PTBP3: variants seen among roughly 807,000 people sequenced by gnomAD.
The protein encoded by PTBP3 is polypyrimidine tract-binding protein 3.
In PTBP3, 20 loss-of-function variants were observed where a neutral mutation model predicts 58.7. The observed-to-expected ratio is 0.34, with a 90% confidence interval of 0.24 to 0.50. The LOEUF (loss-of-function observed/expected upper bound fraction) is 0.50, where lower values mean the gene tolerates loss of function less well. PTBP3 is among the 20% of genes least tolerant of loss of function. The pLI, the probability that PTBP3 is intolerant of heterozygous loss-of-function variation, is 0.98. For synonymous variants in PTBP3, 185 were observed against 219.8 expected, an observed-to-expected ratio of 0.84 and a Z score of 1.40; for missense variants, 509 against 637.2, an observed-to-expected ratio of 0.80 and a Z score of 2.17.
At chr9:112,365,481 G>A in the PTBP3 span, among the ~76,000 whole-genome samples, 10 of 152,160 alleles carry the variant, frequency 6.6e-5, no homozygotes, top group African/African-American at 1.2e-4. Context: ...GACTTGCTCC[G>A]TCTTGCCTTC....
upstream of PTBP3, among the ~76,000 whole-genome samples, chr9:112,335,999 G>T (rs1050227049): frequency 3.3e-5 from 5 of 151,832 alleles, no homozygotes; most frequent in Non-Finnish European, 7.4e-5. Flanking sequence ...TCAGCCTCTG[G>T]AGTAGCTGGG....
chr9:112,253,313 G>A (rs1458142897), intron 5 of PTBP3, among the ~76,000 whole-genome samples: 1 of 152,058 alleles, frequency 6.6e-6, no homozygotes, highest in Admixed American at 6.5e-5. Flanking sequence ...GAAGTCTTAC[G>A]AATAAAAATA....
At chr9:112,362,460 T>G in the PTBP3 span, among the ~76,000 whole-genome samples, 1 of 152,216 alleles carries the variant, frequency 6.6e-6, no homozygotes, top group South Asian at 2.1e-4. Context: ...CTAGGTTGTC[T>G]TTTCACTTTC....
chr9:112,325,439 C>T (rs2132464915), intron 1 of PTBP3, among the ~76,000 whole-genome samples: 1 of 152,196 alleles, frequency 6.6e-6, no homozygotes, highest in Non-Finnish European at 1.5e-5. Flanking sequence ...CCTCTCTTTG[C>T]TGAGAGCTCC....
At chr9:112,295,390 T>C (rs887713333) in intron 2 of PTBP3, among the ~76,000 whole-genome samples, 43 of 146,108 alleles carry the variant, frequency 2.9e-4, no homozygotes, top group Admixed American at 7.0e-4. Context: ...TCTAAGAAGC[T>C]GGAACACCCA....
chr9:112,339,260 C>CAG, the PTBP3 span, among the ~76,000 whole-genome samples: 3 of 140,874 alleles, frequency 2.1e-5, no homozygotes, highest in Non-Finnish European at 3.0e-5. Flanking sequence ...CACTGCACTC[C>CAG]AGTCTGCCTG....
intron 7 of PTBP3, among the ~76,000 whole-genome samples, chr9:112,237,474 TCA>T (rs1199721075): frequency 6.6e-6 from 1 of 152,204 alleles, no homozygotes; most frequent in African/African-American, 2.4e-5. Context: ...AATCAGTTTA[TCA>T]CAGTGTTATT....
the PTBP3 span, among the ~76,000 whole-genome samples, chr9:112,348,519 G>A: frequency 6.6e-6 from 1 of 152,256 alleles, no homozygotes; most frequent in Non-Finnish European, 1.5e-5. Context: ...CACAGAGCAT[G>A]TGGCCCCTCC....
chr9:112,277,911 C>T (rs537913681), intron 2 of PTBP3, among the ~76,000 whole-genome samples: 1 of 124,748 alleles, frequency 8.0e-6, no homozygotes, highest in Non-Finnish European at 1.6e-5. Context: ...CATAACATAA[C>T]ATAACATAAC....
chr9:112,252,072 T>C (rs971354687), intron 6 of PTBP3, among the ~76,000 whole-genome samples: 2 of 152,046 alleles, frequency 1.3e-5, no homozygotes, highest in Non-Finnish European at 2.9e-5. Context: ...TCGAACTGAA[T>C]GTCAAGTTTT....
At position 112,250,978 on chromosome 9, in the gene PTBP3, A is replaced by G. The variant is rs1052951653; in HGVS notation, c.753T>C (p.Pro251=). The change falls in exon 7 of 14, where the codon CCT becomes CCC. Residue 251 remains proline (P), a synonymous_variant. Transcript: ENST00000374257. ...CAAGGGATGGCTGGCCATCACCAGT[A>G]GGAAGGTCTAAGCGAGTGAAGTCTC... The part of the protein sequence containing the change: ...KSRDFTRLDL[P]TGDGQPSLEP... 9 of 1,610,832 alleles carry G rather than the reference A, an allele frequency of 5.6e-6. No individual in the cohort carries two copies. The highest frequency in any genetic ancestry group is 5.0e-5 in the Admixed American group (3 of 59,644).
rs1829350222 is a variant in PTBP3, at chr9:112,308,796, G to A, written c.-51-10880C>T. On this transcript the variant is annotated intron_variant, in intron 1 of 13. Coordinates refer to ENST00000374257, the MANE Select transcript of PTBP3 (RefSeq NM_001163788.4). ...AGGAGACTGTCCTTAGAAACACACA[G>A]CAAATTTACATAAGTCCAGCAGTTG... 3.9e-5 allele frequency among the ~76,000 whole-genome samples: 6 copies of A among 152,118 alleles called. No homozygotes were observed. In the South Asian group the frequency reaches 1.2e-3, roughly 32 times the overall value.
At chr9:112,343,055 G>T in the PTBP3 span, among the ~76,000 whole-genome samples, 2 of 152,172 alleles carry the variant, frequency 1.3e-5, no homozygotes, top group African/African-American at 4.8e-5. Flanking sequence ...ACTCCTCAGA[G>T]AAGTTGTTGG....
At chr9:112,376,359 T>C in the PTBP3 span, among the ~76,000 whole-genome samples, 1 of 148,314 alleles carries the variant, frequency 6.7e-6, no homozygotes, top group Non-Finnish European at 1.5e-5. Flanking sequence ...GTTCAAGCGA[T>C]TCTCCTGCCT....
chr9:112,348,232 A>G, the PTBP3 span, among the ~76,000 whole-genome samples: 1 of 152,250 alleles, frequency 6.6e-6, no homozygotes, highest in African/African-American at 2.4e-5. Context: ...GGCGGCCATC[A>G]GATGGTCAGG....
intron 1 of PTBP3, among the ~76,000 whole-genome samples, chr9:112,331,370 G>A (rs1830368682): frequency 6.6e-6 from 1 of 152,214 alleles, no homozygotes; most frequent in Non-Finnish European, 1.5e-5. Flanking sequence ...TAAGCCCCAA[G>A]AAACTGTCTT....
downstream of PTBP3, chr9:112,217,931 A>G (rs748203781): frequency 4.1e-4 from 62 of 152,250 alleles, no homozygotes; most frequent in Non-Finnish European, 7.9e-4. Context: ...AAGGAAAAGG[A>G]ATGTAGCATC....
chr9:112,335,689 G>C (rs1228495533), upstream of PTBP3, among the ~76,000 whole-genome samples: 1 of 142,626 alleles, frequency 7.0e-6, no homozygotes, highest in African/African-American at 2.5e-5. Context: ...TTGGGAGGCC[G>C]AGGCGGGCAG....
chr9:112,253,494 G>A (rs1055875690), intron 5 of PTBP3, among the ~76,000 whole-genome samples: 12 of 152,044 alleles, frequency 7.9e-5, no homozygotes, highest in African/African-American at 2.4e-4. Flanking sequence ...CAGGGTTCAC[G>A]GCCAGGGTTA....
Sources: allele counts gnomAD v4.1 joint callset (sites outside exome capture counted in the v4.1 genomes callset), GRCh38; gene constraint gnomAD v4.1.1; transcripts MANE v1.5; gene names NCBI Gene and HGNC (gene_info 2026-07-23, HGNC 2026-07-21).